The following CPAMD8 variants were observed in gnomAD, a reference collection of about 807,000 sequenced individuals.
The protein encoded by CPAMD8 is C3 and PZP-like alpha-2-macroglobulin domain-containing protein 8.
In CPAMD8, 146 loss-of-function variants were observed where a neutral mutation model predicts 224.7. The observed-to-expected ratio is 0.65, with a 90% CI of 0.57 to 0.75. The LOEUF is 0.75. Among genes scored for constraint, CPAMD8 ranks in the 30% least tolerant of loss-of-function variants. CPAMD8 has a pLI of 0.00. For synonymous variants in CPAMD8, 966 were observed against 1,044.6 expected, an observed-to-expected ratio of 0.92 and a Z score of 1.45; for missense variants, 2,301 against 2,537.5, an observed-to-expected ratio of 0.91 and a Z score of 2.00.
chr19:17,009,917 A>T (rs1269746808), intron 5 of CPAMD8, among the ~76,000 whole-genome samples: 1 of 152,170 alleles, frequency 6.6e-6, no homozygotes, highest in Non-Finnish European at 1.5e-5. Flanking sequence ...GCTTCTGTGG[A>T]TCCTGCCCGA....
chr19:16,974,239 C>T (rs923155114), intron 17 of CPAMD8, among the ~76,000 whole-genome samples: 94 of 152,156 alleles, frequency 6.2e-4, no homozygotes, highest in Middle Eastern at 3.4e-3. Flanking sequence ...TCACGCCATT[C>T]TCCTGCCTCA....
chr19:16,917,421 C>T (rs762936884), intron 27 of CPAMD8, among the ~76,000 whole-genome samples: 2 of 152,100 alleles, frequency 1.3e-5, no homozygotes, highest in Non-Finnish European at 2.9e-5. Flanking sequence ...TCTATTTACT[C>T]AATTTTTCTG....
chr19:17,014,345 C>T, intron 3 of CPAMD8, among the ~76,000 whole-genome samples: 1 of 151,606 alleles, frequency 6.6e-6, no homozygotes, highest in African/African-American at 2.4e-5. Context: ...AGGTGTGAGC[C>T]ATGGCACCTG....
chr19:16,980,795 C>T lies in CPAMD8; in HGVS notation c.1396-109G>A, dbSNP rs529644733. The T allele has an allele frequency of 1.1e-3, 867 of 823,976 alleles. 5 individuals carry two copies. The highest frequency in any genetic ancestry group is 7.9e-3 in the Middle Eastern group (33 of 4,164). 51.0% of individuals were successfully genotyped at this position (823,976 alleles called of 1,614,324 possible). ...AGGGAGGTTGGGATGGCTGAGGGAG[C>T]GGAGTGCCCAGCATCCAGTCCTGGC... On this transcript the variant is annotated intron_variant, in intron 13 of 41. Transcript: ENST00000443236.
Position 16,982,743 on chromosome 19 carries a change from G to C in CPAMD8, c.1396-2057C>G, listed in dbSNP as rs570008003. ...GTCCCAGCTATCTAGGGGGGCTGAG[G>C]CAGGAGGATCACTTGAGCACAGGAG... On this transcript the variant is annotated intron_variant, in intron 13 of 41. Transcript: ENST00000443236. Among the ~76,000 whole-genome samples the C allele has an allele frequency of 2.6e-5, 4 of 152,242 alleles. No homozygotes were observed. The South Asian group carries it at 8.3e-4, about 32-fold the overall frequency.
At position 16,896,471 on chromosome 19, in the gene CPAMD8, T is replaced by C; in HGVS notation, c.5260A>G (p.Ser1754Gly). ...QAAPLEPAPP[S>G]CCALEQRLPA... Reference sequence around the variant, plus strand: ...GGGTCCTCACCGAGGGCGCAGCAGCTGGGAGGCGCGGGCTCCAGGGGCGCG... The same window carrying C: ...GGGTCCTCACCGAGGGCGCAGCAGCCGGGAGGCGCGGGCTCCAGGGGCGCG... Residue 1754 changes from serine (S) to glycine (G), a missense_variant, in exon 40 of 42, where the codon AGC (serine) becomes GGC (glycine). Ser to Gly is a moderately conservative substitution (Grantham distance 56). This residue lies in a region of CPAMD8 where 1,709 missense variants were observed against 1,753.2 expected (regional missense o/e 0.97). Coordinates refer to ENST00000443236, the MANE Select transcript of CPAMD8 (RefSeq NM_015692.5). The C allele has an allele frequency of 1.4e-6, 2 of 1,443,498 alleles. No homozygotes were observed. The highest frequency in any genetic ancestry group is 1.8e-6 in the Non-Finnish European group (2 of 1,106,550). 89.4% of individuals were successfully genotyped at this position (1,443,498 alleles called of 1,614,324 possible).
rs574459427 is a variant in CPAMD8 at position 16,940,718 on chromosome 19, G to C, written c.2794-2272C>G. ...TGAGAGGCTGAGGACACCATCTCAG[G>C]CTACATCGAGCCGTCCACCTGCCAG... On this transcript the variant is annotated intron_variant, in intron 22 of 41. Transcript: ENST00000443236. Among the ~76,000 whole-genome samples the C allele has an allele frequency of 3.7e-3, 557 of 152,208 alleles. 1 individual carries two copies. Among genetic ancestry groups the C allele is most frequent in the Non-Finnish European group, 5.7e-3 (390 of 68,008 alleles).
rs936237792 is a variant in CPAMD8, at chr19:17,004,295, C to T, written c.651G>A (p.Lys217=). 9 of 1,609,672 alleles carry T rather than the reference C, an allele frequency of 5.6e-6. No individual in the cohort carries two copies. Among genetic ancestry groups the T allele is most frequent in the African/African-American group, 2.7e-5 (2 of 74,964 alleles). ...TACCATACTTCTGAACTTCAAAAGA[C>T]TTGTTGTACGCGTGGCCTTGCATTT... is the stretch of plus-strand genomic sequence containing the variant. ...FVEMQGHAYN[K]SFEVQKYVLP... The change falls in exon 8 of 42, where the codon AAG becomes AAA. Residue 217 remains lysine, a synonymous_variant. Coordinates refer to ENST00000443236, the MANE Select transcript of CPAMD8 (RefSeq NM_015692.5).
intron 12 of CPAMD8, 27 bp from the exon 13 acceptor site, chr19:16,989,798 C>T: frequency 6.2e-7 from 1 of 1,611,072 alleles, no homozygotes; most frequent in East Asian, 2.2e-5. Flanking sequence ...CTTAGATCAA[C>T]ACCCGAGTGC....
At chr19:16,998,941 C>T (rs949134195) in intron 10 of CPAMD8, among the ~76,000 whole-genome samples, 6 of 152,024 alleles carry the variant, frequency 3.9e-5, no homozygotes, top group African/African-American at 4.8e-5. Context: ...TGTCCACCAG[C>T]GGATGAAGGG....
chr19:16,969,584 T>C (rs1387700660), intron 18 of CPAMD8, among the ~76,000 whole-genome samples: 1 of 152,016 alleles, frequency 6.6e-6, no homozygotes, highest in Non-Finnish European at 1.5e-5. Context: ...AGGGCCCTTA[T>C]AAAAGGGACT....
intron 23 of CPAMD8, among the ~76,000 whole-genome samples, chr19:16,934,530 G>T (rs1446954097): frequency 2.0e-5 from 3 of 152,116 alleles, no homozygotes; most frequent in Non-Finnish European, 4.4e-5. Flanking sequence ...TTCTGAGGCT[G>T]TCTTGAAATG....
At chr19:16,991,485 T>A (rs547761948) in intron 12 of CPAMD8, among the ~76,000 whole-genome samples, 2 of 152,166 alleles carry the variant, frequency 1.3e-5, no homozygotes, top group Admixed American at 1.3e-4. Flanking sequence ...ATCTCCCACC[T>A]GGTAGGGGAT....
rs1568459408 is a variant in CPAMD8 at position 16,906,378 on chromosome 19, CTTT to C, written c.4027+571_4027+573del. ...TCTTTCTTTCTTTCTTTCTTTCTTT[CTTT>C]CTTTCTTTCTTTCTTTCTTTCTTTC... is the stretch of plus-strand genomic sequence containing the variant. On this transcript the variant is annotated intron_variant, in intron 30 of 41. Coordinates refer to ENST00000443236, the MANE Select transcript of CPAMD8 (RefSeq NM_015692.5). Among the ~76,000 whole-genome samples, 316 of 71,652 alleles carry C rather than the reference CTTT, an allele frequency of 4.4e-3. 6 individuals are homozygous for C. The highest frequency in any genetic ancestry group is 0.013 in the South Asian group (21 of 1,654). The allele number at this position is 71,652 out of a possible 152,430, so 47.0% of individuals were successfully genotyped here.
At chr19:16,964,647 T>C (rs1272039759) in intron 18 of CPAMD8, among the ~76,000 whole-genome samples, 1 of 152,114 alleles carries the variant, frequency 6.6e-6, no homozygotes, top group Non-Finnish European at 1.5e-5. Flanking sequence ...CTGAAACTAT[T>C]CTAATCAAGA....
intron 8 of CPAMD8, among the ~76,000 whole-genome samples, chr19:17,002,706 G>A (rs2056367484): frequency 6.6e-6 from 1 of 151,996 alleles, no homozygotes; most frequent in Non-Finnish European, 1.5e-5. Context: ...GAGCCAACAA[G>A]GGGCATCCCC....
At chr19:16,990,863 CAAAAAAAAA>C (rs3067791) in intron 12 of CPAMD8, among the ~76,000 whole-genome samples, 34,907 of 72,970 alleles carry the variant, frequency 0.48, 6,186 homozygotes, top group East Asian at 0.61. Context: ...AACTCTGTCT[CAAAAAAAAA>C]AAAAAAAAAA....
chr19:16,931,772 C>T (rs556322404), intron 23 of CPAMD8, among the ~76,000 whole-genome samples: 22 of 152,348 alleles, frequency 1.4e-4, no homozygotes, highest in Admixed American at 1.4e-3. Flanking sequence ...AACTTCATCA[C>T]AGCCTCCACT....
intron 23 of CPAMD8, 33 bp downstream of exon 23, chr19:16,938,362 C>A: frequency 7.1e-7 from 1 of 1,399,712 alleles, no homozygotes; most frequent in South Asian, 1.3e-5. Flanking sequence ...GCCAGGTGGC[C>A]ACACCTTAGC....
Sources: allele counts gnomAD v4.1 joint callset (sites outside exome capture counted in the v4.1 genomes callset), GRCh38; gene constraint gnomAD v4.1.1; regional missense constraint gnomAD v4.1.1; transcripts MANE v1.5; gene names NCBI Gene and HGNC (gene_info 2026-07-23, HGNC 2026-07-21).